The following PCDH17 variants were observed in gnomAD, a reference collection of about 807,000 sequenced individuals.
PCDH17 encodes the protein protocadherin 17.
PCDH17 carries 21 observed loss-of-function variants against 67.7 expected under a neutral mutation model. The ratio of observed to expected loss-of-function variants is 0.31; its 90% CI spans 0.22 to 0.45. PCDH17 has a LOEUF of 0.45. Among genes scored for constraint, PCDH17 ranks in the 20% least tolerant of loss-of-function variants. PCDH17 has a pLI of 1.00. For missense variants in PCDH17, 1,471 were observed against 1,564.8 expected (o/e 0.94, Z 1.01); for synonymous variants, 701 against 656.7 (o/e 1.07, Z -1.03).
chr13:57,725,300 G>GAA lies in PCDH17; in HGVS notation c.*16_*17dup, dbSNP rs5803842. ...CTGTGGCTGTGAGAAAGTGAAAAAA[G>GAA]AAAAAAAAAAAGGCATTGGCATTTT... On this transcript the variant is annotated 3_prime_UTR_variant, in exon 4 of 4. Coordinates refer to ENST00000377918, the MANE Select transcript of PCDH17 (RefSeq NM_001040429.3). The GAA allele has an allele frequency of 0.024, 31,780 of 1,331,660 alleles. 25 individuals carry two copies. The highest frequency in any genetic ancestry group is 0.027 in the Non-Finnish European group (26,179 of 984,320). 82.5% of individuals were successfully genotyped at this position (1,331,660 alleles called of 1,614,324 possible). A position where few individuals can be genotyped will look rare whatever the true frequency, so the allele number is the denominator to read the frequency against.
chr13:57,711,390 G>A (rs558312818), intron 3 of PCDH17, among the ~76,000 whole-genome samples: 1 of 151,956 alleles, frequency 6.6e-6, no homozygotes, highest in South Asian at 2.1e-4. Flanking sequence ...CTTATTTTAT[G>A]TCCACTAAGT....
At position 57,666,823 on chromosome 13, in the gene PCDH17, A is replaced by G. The variant is rs1219987920; in HGVS notation, c.2787A>G (p.Pro929=). ...KMKTTSTKSQ[P]LEQEPEECVN... ...AAACTACTTCAACTAAAAGCCAACCACTTGAACAAGGTGAGTGAAGTCTTC... is the reference window on the plus strand; with the variant it reads ...AAACTACTTCAACTAAAAGCCAACCGCTTGAACAAGGTGAGTGAAGTCTTC... The change falls in exon 3 of 4, where the codon CCA becomes CCG. Residue 929 remains proline, a synonymous_variant. Coordinates refer to ENST00000377918, the MANE Select transcript of PCDH17 (RefSeq NM_001040429.3). The G allele has an allele frequency of 3.1e-6, 5 of 1,607,588 alleles. No individual in the cohort carries two copies. The East Asian group carries it at 8.9e-5, about 29-fold the overall frequency.
chr13:57,647,152 C>T (rs575620539), intron 1 of PCDH17, among the ~76,000 whole-genome samples: 2 of 151,878 alleles, frequency 1.3e-5, no homozygotes, highest in African/African-American at 4.8e-5. Context: ...AAAATCTTAA[C>T]GTTTCATAAA....
chr13:57,685,241 T>C lies in PCDH17; in HGVS notation c.2797+18408T>C. ...TCTTAGTACTATAAGTAAATTCTTA[T>C]AATTGTCTTTATGCTCTTAATATGT... On this transcript the variant is annotated intron_variant, in intron 3 of 3. Transcript: ENST00000377918. Among the ~76,000 whole-genome samples, 2 of 151,996 alleles carry C rather than the reference T, an allele frequency of 1.3e-5. 1 individual carries two copies. Among genetic ancestry groups the C allele is most frequent in the Middle Eastern group, 6.3e-3 (2 of 316 alleles).
chr13:57,712,017 A>T (rs1464963026), intron 3 of PCDH17, among the ~76,000 whole-genome samples: 1 of 151,590 alleles, frequency 6.6e-6, no homozygotes, highest in Non-Finnish European at 1.5e-5. Context: ...CCTAGATAGA[A>T]AGTTTCTTTT....
At chr13:57,702,192 C>T (rs1955672056) in intron 3 of PCDH17, among the ~76,000 whole-genome samples, 1 of 152,128 alleles carries the variant, frequency 6.6e-6, no homozygotes, top group Non-Finnish European at 1.5e-5. Context: ...GCTGAGAATA[C>T]AGGCGTGAGC....
At position 57,705,451 on chromosome 13, in the gene PCDH17, C is replaced by T. The variant is rs1469778068; in HGVS notation, c.2798-19161C>T. Among the ~76,000 whole-genome samples the T allele has an allele frequency of 2.2e-4, 34 of 152,042 alleles. 1 individual carries two copies. The highest frequency in any genetic ancestry group is 2.2e-3 in the Admixed American group (34 of 15,250). On this transcript the variant is annotated intron_variant, in intron 3 of 3. Transcript: ENST00000377918. ...TATTAAGTATCTGACTAAGAACATG[C>T]ATGTATATGGAGCTATATTTACAAA...
At chr13:57,693,247 G>A (rs1955575560) in intron 3 of PCDH17, among the ~76,000 whole-genome samples, 1 of 142,562 alleles carries the variant, frequency 7.0e-6, no homozygotes, top group Non-Finnish European at 1.5e-5. Context: ...ATAACTAATT[G>A]TGAACTGAAA....
rs924487363 is a variant in PCDH17, at chr13:57,632,290, T to C, written c.-257T>C. The C allele has an allele frequency of 7.1e-5, 38 of 534,482 alleles. No homozygotes were observed. Among genetic ancestry groups the C allele is most frequent in the African/African-American group, 7.1e-4 (37 of 52,320 alleles). 33.1% of individuals were successfully genotyped at this position (534,482 alleles called of 1,614,324 possible). On this transcript the variant is annotated 5_prime_UTR_variant, in exon 1 of 4. Transcript: ENST00000377918. ...CCCCAGCCGCAGGAAGCCACCGCCT[T>C]GCTCCAAGCCCCTGCAGCTCTGCTG...
chr13:57,683,422 C>A (rs61961872), intron 3 of PCDH17, among the ~76,000 whole-genome samples: 1 of 151,736 alleles, frequency 6.6e-6, no homozygotes, highest in African/African-American at 2.4e-5. Context: ...TGAGTGCAAT[C>A]CATTTTGAAA....
chr13:57,661,875 CGTT>C (rs1314696654), intron 1 of PCDH17, among the ~76,000 whole-genome samples: 1 of 151,846 alleles, frequency 6.6e-6, no homozygotes, highest in Non-Finnish European at 1.5e-5. Flanking sequence ...TTGTTGTTGT[CGTT>C]GTTTTTTGAG....
intron 3 of PCDH17, among the ~76,000 whole-genome samples, chr13:57,722,156 A>C (rs531242676): frequency 6.6e-6 from 1 of 152,212 alleles, no homozygotes; most frequent in African/African-American, 2.4e-5. Context: ...AGTGACAAGC[A>C]AACAATCATT....
At chr13:57,692,395 T>C (rs539318841) in intron 3 of PCDH17, among the ~76,000 whole-genome samples, 1 of 151,384 alleles carries the variant, frequency 6.6e-6, no homozygotes, top group Admixed American at 6.6e-5. Flanking sequence ...TTGTAATTTG[T>C]TTGAAGTTAA....
chr13:57,716,508 ACT>A (rs1955817762), intron 3 of PCDH17, among the ~76,000 whole-genome samples: 3 of 151,688 alleles, frequency 2.0e-5, no homozygotes, highest in Admixed American at 6.6e-5. Context: ...TCTGCTCTCC[ACT>A]CTCTGTTGAA....
At chr13:57,711,988 ATACTC>A (rs1250664025) in intron 3 of PCDH17, among the ~76,000 whole-genome samples, 3 of 151,556 alleles carry the variant, frequency 2.0e-5, no homozygotes, top group Non-Finnish European at 3.0e-5. Context: ...TAAAACAACT[ATACTC>A]AATAAGAAAA....
chr13:57,691,055 T>C (rs1294998312), intron 3 of PCDH17, among the ~76,000 whole-genome samples: 1 of 151,476 alleles, frequency 6.6e-6, no homozygotes, highest in Non-Finnish European at 1.5e-5. Context: ...TTTTTTCTTT[T>C]ACTCTTGCTC....
At position 57,714,686 on chromosome 13, in the gene PCDH17, T is replaced by C. The variant is rs186384679; in HGVS notation, c.2798-9926T>C. On this transcript the variant is annotated intron_variant, in intron 3 of 3. Transcript: ENST00000377918. ...GCCAGAGCATAGGTTTCTCACTGCA[T>C]ATAAATCAGGTTCTTTCGGAAATTG... is the stretch of plus-strand genomic sequence containing the variant. 5.9e-5 allele frequency among the ~76,000 whole-genome samples: 9 copies of C among 151,880 alleles called. No homozygotes were observed. The East Asian group carries it at 1.7e-3, about 29-fold the overall frequency.
At chr13:57,685,450 A>ACAAGCCT (rs1955496464) in intron 3 of PCDH17, among the ~76,000 whole-genome samples, 1 of 152,018 alleles carries the variant, frequency 6.6e-6, no homozygotes, top group Non-Finnish European at 1.5e-5. Context: ...TTATGTACAA[A>ACAAGCCT]CAAGCCTAAA....
In PCDH17 at chr13:57,634,817, C is replaced by A; in HGVS notation, c.2271C>A (p.Gly757=). ...ACCCGCAGCTGGGTGGGGGCAAGGG[C>A]AAGAAGAAGAAGATCAACAAAAATG... ...YSHPQLGGGK[G]KKKKINKNDI... Residue 757 remains glycine (G), a synonymous_variant, in exon 1 of 4, where the codon GGC becomes GGA. Transcript: ENST00000377918. This position sits in a 1 kb window ranked among gnomAD's most constrained non-coding sequence, Gnocchi z 7.8. The A allele has an allele frequency of 6.2e-7, 1 of 1,613,972 alleles. No individual in the cohort carries two copies. The highest frequency in any genetic ancestry group is 8.5e-7 in the Non-Finnish European group (1 of 1,179,998).
Sources: gnomAD v4.1 joint callset for allele counts (sites outside exome capture counted in the v4.1 genomes callset) on GRCh38, gnomAD v4.1.1 for gene constraint, Gnocchi (gnomAD v3.1) non-coding constraint, MANE v1.5 for transcripts, NCBI Gene and HGNC (gene_info 2026-07-23, HGNC 2026-07-21) for gene names.